Variants in PLCZ1 observed in about 807,000 individuals in gnomAD.
PLCZ1 encodes phospholipase C zeta 1.
A neutral mutation model predicts 76.8 loss-of-function variants in PLCZ1; 64 were observed. The ratio of observed to expected loss-of-function variants is 0.83; its 90% CI spans 0.68 to 1.03. The LOEUF is 1.03. Among genes scored for constraint, PLCZ1 ranks in the 50% least tolerant of loss-of-function variants. The pLI is 0.00. For synonymous variants in PLCZ1, 248 were observed against 230.8 expected, an observed-to-expected ratio of 1.07 and a Z score of -0.68; for missense variants, 751 against 713.7, an observed-to-expected ratio of 1.05 and a Z score of -0.60.
intron 6 of PLCZ1, among the ~76,000 whole-genome samples, chr12:18,706,259 A>G (rs993444662): frequency 2.6e-5 from 4 of 152,004 alleles, no homozygotes; most frequent in Non-Finnish European, 5.9e-5. Context: ...AAAAAAAAGA[A>G]GAAGACAGAG....
rs765495668 is a variant in PLCZ1 at position 18,699,642 on chromosome 12, C to T, written c.1174+152G>A. ...TTCCATGAAATAAAACTTAATGAGACCTGAGGTATGTAACCCCATTCTAAA... is the reference window on the plus strand; with the variant it reads ...TTCCATGAAATAAAACTTAATGAGATCTGAGGTATGTAACCCCATTCTAAA... On this transcript the variant is annotated intron_variant, in intron 10 of 14. Transcript: ENST00000266505. 6.3e-6 allele frequency: 5 copies of T among 788,572 alleles called. 1 individual carries two copies. The highest frequency in any genetic ancestry group is 7.2e-4 in the Middle Eastern group (2 of 2,792). The allele number at this position is 788,572 out of a possible 1,614,324, so 48.8% of individuals were successfully genotyped here.
chr12:18,692,763 A>G (rs750092673), intron 12 of PLCZ1: 159 of 1,280,712 alleles, frequency 1.2e-4, no homozygotes, highest in Non-Finnish European at 1.7e-4. Flanking sequence ...CCAAGGCAAG[A>G]TGGGTCAAAG....
intron 6 of PLCZ1, among the ~76,000 whole-genome samples, chr12:18,708,509 C>T (rs1309702674): frequency 2.0e-5 from 3 of 152,106 alleles, no homozygotes; most frequent in Non-Finnish European, 4.4e-5. Context: ...ATTTAATTCC[C>T]TTTGGGTATG....
intron 7 of PLCZ1, among the ~76,000 whole-genome samples, 198 bp downstream of exon 7, chr12:18,704,968 T>C (rs1006784821): frequency 6.6e-6 from 1 of 152,102 alleles, no homozygotes; most frequent in Non-Finnish European, 1.5e-5. Context: ...TGTATATATA[T>C]ATAAATTTTA....
chr12:18,693,986 C>T, intron 12 of PLCZ1: 1 of 1,497,290 alleles, frequency 6.7e-7, no homozygotes, highest in African/African-American at 1.4e-5. Flanking sequence ...AGAAGCTGGT[C>T]TGATGGCCTT....
At chr12:18,696,348 A>ATATAGATATATATATATATATATATC (rs10523511) in intron 10 of PLCZ1, 82 bp from the exon 11 acceptor site, 1 of 214,170 alleles carries the variant, frequency 4.7e-6, no homozygotes, top group Non-Finnish European at 8.0e-6. Context: ...ATATATATAT[A>ATATAGATATATATATATATATATATC]TATCATATAA....
chr12:18,669,024 T>C, the PLCZ1 span, among the ~76,000 whole-genome samples: 1 of 152,034 alleles, frequency 6.6e-6, no homozygotes, highest in African/African-American at 2.4e-5. Flanking sequence ...GTGCAGAAAA[T>C]AGTAATAATA....
chr12:18,669,440 G>A, the PLCZ1 span, among the ~76,000 whole-genome samples: 3 of 152,172 alleles, frequency 2.0e-5, no homozygotes, highest in Admixed American at 6.5e-5. Flanking sequence ...TATTATCAGT[G>A]AGAGTCTAAA....
chr12:18,696,051 C>T (rs1954934119), intron 11 of PLCZ1, 99 bp downstream of exon 11: 1 of 663,702 alleles, frequency 1.5e-6, no homozygotes, highest in African/African-American at 1.9e-5. Flanking sequence ...GCTAAAAAAT[C>T]TTTTACAGAA....
At chr12:18,699,365 G>C (rs1365750663) in intron 10 of PLCZ1, among the ~76,000 whole-genome samples, 2 of 152,096 alleles carry the variant, frequency 1.3e-5, no homozygotes, top group African/African-American at 4.8e-5. Context: ...CTCACCCTTT[G>C]GCTGCTATCA....
At chr12:18,687,122 A>G (rs961942281) in intron 13 of PLCZ1, among the ~76,000 whole-genome samples, 3 of 152,102 alleles carry the variant, frequency 2.0e-5, no homozygotes, top group Admixed American at 6.6e-5. Flanking sequence ...GGAAGTCATC[A>G]TCAATATCCC....
intron 14 of PLCZ1, 81 bp from the exon 15 acceptor site, chr12:18,683,405 C>T (rs1591957654): frequency 1.3e-6 from 2 of 1,490,102 alleles, no homozygotes; most frequent in Non-Finnish European, 1.9e-6. Flanking sequence ...GAAACAAGAG[C>T]TCTTTACTAA....
At chr12:18,658,922 C>T in the PLCZ1 span, among the ~76,000 whole-genome samples, 1 of 151,894 alleles carries the variant, frequency 6.6e-6, no homozygotes, top group African/African-American at 2.4e-5. Context: ...TTTTTTTGTA[C>T]ATTTACCTTT....
At chr12:18,712,296 T>A (rs1251217137) in intron 6 of PLCZ1, among the ~76,000 whole-genome samples, 1 of 152,134 alleles carries the variant, frequency 6.6e-6, no homozygotes, top group Non-Finnish European at 1.5e-5. Flanking sequence ...CCTGCTCAAT[T>A]TATAGAGTAG....
chr12:18,713,248 G>A (rs1321812448), intron 5 of PLCZ1, among the ~76,000 whole-genome samples: 2 of 151,968 alleles, frequency 1.3e-5, no homozygotes, highest in African/African-American at 2.4e-5. Flanking sequence ...CTCCATACAA[G>A]GCTTGGTTTT....
intron 10 of PLCZ1, among the ~76,000 whole-genome samples, chr12:18,699,171 C>T (rs1955533698): frequency 6.6e-6 from 1 of 152,180 alleles, no homozygotes; most frequent in Non-Finnish European, 1.5e-5. Context: ...GTGGGGCATG[C>T]ACACTCTGCA....
the PLCZ1 span, among the ~76,000 whole-genome samples, chr12:18,652,764 G>T: frequency 6.6e-6 from 1 of 151,970 alleles, no homozygotes; most frequent in Non-Finnish European, 1.5e-5. Flanking sequence ...TATTTTATTT[G>T]TTCCCTACTA....
At chr12:18,676,388 G>T in the PLCZ1 span, among the ~76,000 whole-genome samples, 3 of 152,000 alleles carry the variant, frequency 2.0e-5, no homozygotes, top group African/African-American at 7.2e-5. Flanking sequence ...CTTTTTTGCA[G>T]ATGTCCCTTT....
At chr12:18,685,553 G>T (rs1028123045) in intron 13 of PLCZ1, 3 of 444,680 alleles carry the variant, frequency 6.7e-6, no homozygotes, top group African/African-American at 6.0e-5. Flanking sequence ...GTTCACCTGT[G>T]GTCACAAGAG....
Sources: allele counts gnomAD v4.1 joint callset (sites outside exome capture counted in the v4.1 genomes callset), GRCh38; gene constraint gnomAD v4.1.1; transcripts MANE v1.5; gene names NCBI Gene and HGNC (gene_info 2026-07-23, HGNC 2026-07-21).